Variants in KCNH8 observed in about 807,000 individuals in gnomAD.
KCNH8 encodes potassium voltage-gated channel subfamily H member 8.
Under a neutral mutation model 103.6 loss-of-function variants are expected in KCNH8, and 70 were observed. The ratio of observed to expected loss-of-function variants is 0.68; its 90% confidence interval spans 0.56 to 0.82. The LOEUF is 0.82. KCNH8 is among the 40% of genes least tolerant of loss of function. The pLI is 0.00. For synonymous variants in KCNH8, 498 were observed against 489.4 expected, an observed-to-expected ratio of 1.02 and a Z score of -0.23; for missense variants, 1,217 against 1,329.9, an observed-to-expected ratio of 0.92 and a Z score of 1.32.
intron 1 of KCNH8, among the ~76,000 whole-genome samples, chr3:19,236,366 A>G (rs1204976270): frequency 1.3e-5 from 2 of 152,170 alleles, no homozygotes; most frequent in Non-Finnish European, 2.9e-5. Context: ...ATTATACACT[A>G]TCTCTTCTCT....
chr3:19,252,656 G>A (rs892759147), intron 1 of KCNH8, among the ~76,000 whole-genome samples: 5 of 152,024 alleles, frequency 3.3e-5, no homozygotes, highest in African/African-American at 1.2e-4. Flanking sequence ...CCAAAGTGCT[G>A]TAATTACAGG....
chr3:19,260,701 A>G (rs1380882795), intron 2 of KCNH8, among the ~76,000 whole-genome samples: 1 of 148,202 alleles, frequency 6.7e-6, no homozygotes, highest in Admixed American at 6.7e-5. Context: ...AGATCTTTCA[A>G]CTTGTTCATG....
intron 1 of KCNH8, among the ~76,000 whole-genome samples, chr3:19,199,145 C>T (rs1269070584): frequency 6.6e-6 from 1 of 152,106 alleles, no homozygotes; most frequent in Non-Finnish European, 1.5e-5. Context: ...ACTCATTGTA[C>T]TGTGTCATCC....
intron 1 of KCNH8, among the ~76,000 whole-genome samples, chr3:19,191,119 G>A (rs1318841241): frequency 6.6e-6 from 1 of 151,404 alleles, no homozygotes; most frequent in Non-Finnish European, 1.5e-5. Context: ...TATCTTTTTT[G>A]TTTCAAAAAT....
intron 3 of KCNH8, among the ~76,000 whole-genome samples, chr3:19,321,327 G>A (rs1312707641): frequency 6.6e-6 from 1 of 151,908 alleles, no homozygotes; most frequent in Non-Finnish European, 1.5e-5. Context: ...TTAATGGTAT[G>A]AACTTTTCTC....
intron 7 of KCNH8, among the ~76,000 whole-genome samples, chr3:19,400,801 G>A (rs2066601521): frequency 6.6e-6 from 1 of 151,676 alleles, no homozygotes; most frequent in Non-Finnish European, 1.5e-5. Flanking sequence ...GCATTTACAA[G>A]CCTTTTGTAA....
At chr3:19,264,607 A>G (rs944349380) in intron 2 of KCNH8, among the ~76,000 whole-genome samples, 4 of 152,056 alleles carry the variant, frequency 2.6e-5, no homozygotes, top group Admixed American at 6.6e-5. Context: ...GCTTAGATTT[A>G]GTGTTCAGTG....
chr3:19,484,141 T>C (rs1455742973), intron 11 of KCNH8, among the ~76,000 whole-genome samples: 1 of 152,174 alleles, frequency 6.6e-6, no homozygotes, highest in Admixed American at 6.5e-5. Context: ...TTGTATTATT[T>C]ATGAGTCCTC....
At chr3:19,484,983 G>A (rs1014750180) in intron 11 of KCNH8, among the ~76,000 whole-genome samples, 1 of 152,004 alleles carries the variant, frequency 6.6e-6, no homozygotes, top group Non-Finnish European at 1.5e-5. Flanking sequence ...CATAGGAAGG[G>A]CCTGTATCTA....
intron 1 of KCNH8, among the ~76,000 whole-genome samples, chr3:19,191,411 G>A (rs1253603118): frequency 6.6e-6 from 1 of 151,752 alleles, no homozygotes; most frequent in Non-Finnish European, 1.5e-5. Context: ...TATCTGATTA[G>A]TAATGAAATT....
intron 7 of KCNH8, among the ~76,000 whole-genome samples, chr3:19,410,006 C>T (rs979398858): frequency 2.6e-5 from 4 of 152,070 alleles, no homozygotes; most frequent in African/African-American, 7.2e-5. Flanking sequence ...TTAAACTCAG[C>T]ACTTGACCGA....
chr3:19,450,030 A>G, intron 8 of KCNH8, 76 bp from the exon 9 acceptor site: 1 of 1,234,146 alleles, frequency 8.1e-7, no homozygotes, highest in African/African-American at 1.5e-5. Flanking sequence ...ATCCAGGATA[A>G]ACTGTAAATT....
chr3:19,249,903 T>A (rs2064254105), intron 1 of KCNH8, among the ~76,000 whole-genome samples: 1 of 152,168 alleles, frequency 6.6e-6, no homozygotes, highest in South Asian at 2.1e-4. Context: ...TTTAATAATA[T>A]TATATAGTCT....
rs551265577 is a variant in KCNH8 at position 19,498,595 on chromosome 3, C to G, written c.2041-11768C>G. Among the ~76,000 whole-genome samples the G allele has an allele frequency of 1.4e-4, 22 of 152,298 alleles. No homozygotes were observed. In the South Asian group the frequency reaches 4.4e-3, roughly 30 times the overall value. On this transcript the variant is annotated intron_variant, in intron 11 of 15. Transcript: ENST00000328405. The stretch of plus-strand genomic sequence containing the variant: ...TCTCTCAACTCGTCAAAGTCATTCT[C>G]CATCCAGCTTTCTTCTGTTGCTGGT...
intron 1 of KCNH8, among the ~76,000 whole-genome samples, chr3:19,153,615 T>A (rs1247368134): frequency 1.3e-5 from 2 of 151,352 alleles, no homozygotes; most frequent in East Asian, 3.9e-4. Context: ...TTTTCTTTTC[T>A]TTTCTTTTCT....
intron 7 of KCNH8, among the ~76,000 whole-genome samples, chr3:19,423,439 C>G (rs540183222): frequency 6.6e-6 from 1 of 152,070 alleles, no homozygotes; most frequent in South Asian, 2.1e-4. Flanking sequence ...ACCCTCCTTC[C>G]ACCCTTCCCC....
chr3:19,205,222 CA>C (rs914016165), intron 1 of KCNH8, among the ~76,000 whole-genome samples: 13 of 151,128 alleles, frequency 8.6e-5, no homozygotes, highest in South Asian at 2.1e-4. Context: ...ATTTCAATGG[CA>C]AAAAAAATGA....
At chr3:19,296,287 G>A (rs925720626) in intron 3 of KCNH8, among the ~76,000 whole-genome samples, 2 of 152,168 alleles carry the variant, frequency 1.3e-5, no homozygotes, top group African/African-American at 4.8e-5. Flanking sequence ...TTAGGGGACT[G>A]CTCCCCAGTT....
intron 11 of KCNH8, among the ~76,000 whole-genome samples, chr3:19,503,021 G>A (rs1332735252): frequency 5.9e-5 from 9 of 151,674 alleles, no homozygotes; most frequent in African/African-American, 1.2e-4. Context: ...TTTTCGCAAC[G>A]TACTCATCTG....
Sources: gnomAD v4.1 joint callset for allele counts (sites outside exome capture counted in the v4.1 genomes callset) on GRCh38, gnomAD v4.1.1 for gene constraint, MANE v1.5 for transcripts, NCBI Gene and HGNC (gene_info 2026-07-23, HGNC 2026-07-21) for gene names.